NBAS: variants seen among roughly 807,000 people sequenced by gnomAD.
The protein encoded by NBAS is NBAS subunit of NRZ tethering complex.
Under a neutral mutation model 302.5 loss-of-function variants are expected in NBAS, and 219 were observed. The observed-to-expected ratio is 0.72, with a 90% confidence interval of 0.65 to 0.81. The LOEUF (loss-of-function observed/expected upper bound fraction) is 0.81, where lower values mean the gene tolerates loss of function less well. NBAS is among the 30% of genes least tolerant of loss of function. NBAS has a pLI of 0.00. For synonymous variants in NBAS, 1,118 were observed against 1,021.6 expected (o/e 1.09, Z -1.80); for missense variants, 2,932 against 2,841.6 (o/e 1.03, Z -0.72).
At chr2:15,301,495 C>T (rs985311032) in intron 40 of NBAS, among the ~76,000 whole-genome samples, 10 of 152,268 alleles carry the variant, frequency 6.6e-5, no homozygotes, top group African/African-American at 2.4e-4. Flanking sequence ...TTCTCCCCAC[C>T]AAGTGAGCAA....
the NBAS span, among the ~76,000 whole-genome samples, chr2:14,982,934 T>C: frequency 6.6e-6 from 1 of 152,104 alleles, no homozygotes; most frequent in African/African-American, 2.4e-5. Flanking sequence ...AGAAAAAATA[T>C]CAAAAAGAGT....
chr2:14,878,952 C>T, the NBAS span, among the ~76,000 whole-genome samples: 1 of 152,190 alleles, frequency 6.6e-6, no homozygotes, highest in Non-Finnish European at 1.5e-5. Flanking sequence ...CGTGATCTGT[C>T]TGTTTACCTC....
At chr2:15,545,594 A>G (rs997696844) in intron 6 of NBAS, among the ~76,000 whole-genome samples, 3 of 152,216 alleles carry the variant, frequency 2.0e-5, no homozygotes, top group Non-Finnish European at 4.4e-5. Flanking sequence ...AAGGAAACCA[A>G]AATTTTAAAA....
the NBAS span, among the ~76,000 whole-genome samples, chr2:14,897,168 A>G: frequency 6.6e-6 from 1 of 152,124 alleles, no homozygotes; most frequent in African/African-American, 2.4e-5. Flanking sequence ...CAAAGCTGGA[A>G]CCAAACACAG....
the NBAS span, among the ~76,000 whole-genome samples, chr2:14,821,861 CA>C: frequency 3.5e-3 from 504 of 145,450 alleles, 6 homozygotes; most frequent in African/African-American, 0.012. Flanking sequence ...AAATACAAAA[CA>C]AAAAAAAAAC....
chr2:14,781,871 C>CT, the NBAS span, among the ~76,000 whole-genome samples: 1 of 152,114 alleles, frequency 6.6e-6, no homozygotes, highest in Non-Finnish European at 1.5e-5. Context: ...AATTCTCCCC[C>CT]TAAACAACAC....
At chr2:15,494,996 C>T (rs1468067328) in intron 11 of NBAS, among the ~76,000 whole-genome samples, 7 of 152,172 alleles carry the variant, frequency 4.6e-5, no homozygotes, top group African/African-American at 7.2e-5. Flanking sequence ...TCTCCTAACA[C>T]GCAGGGAACA....
chr2:14,917,773 C>A, the NBAS span, among the ~76,000 whole-genome samples: 1 of 152,134 alleles, frequency 6.6e-6, no homozygotes, highest in Non-Finnish European at 1.5e-5. Flanking sequence ...TATATGAAAA[C>A]ACCACATGTA....
the NBAS span, among the ~76,000 whole-genome samples, chr2:15,055,237 G>C: frequency 6.6e-6 from 1 of 152,032 alleles, no homozygotes; most frequent in African/African-American, 2.4e-5. Flanking sequence ...GGAACAGGAG[G>C]TTTCAAGAAA....
the NBAS span, among the ~76,000 whole-genome samples, chr2:14,857,558 G>A: frequency 6.6e-6 from 1 of 152,044 alleles, no homozygotes; most frequent in African/African-American, 2.4e-5. Context: ...AAGGTGTCAA[G>A]AGCATACATT....
At chr2:15,548,574 C>G (rs1226209054) in intron 6 of NBAS, among the ~76,000 whole-genome samples, 3 of 152,056 alleles carry the variant, frequency 2.0e-5, no homozygotes, top group African/African-American at 4.8e-5. Flanking sequence ...ACCTGGGAGG[C>G]AGAGGGTGCA....
At chr2:15,050,212 T>A in the NBAS span, among the ~76,000 whole-genome samples, 1 of 152,174 alleles carries the variant, frequency 6.6e-6, no homozygotes, top group Non-Finnish European at 1.5e-5. Context: ...GAAGTTCCCC[T>A]CCCATGCGCC....
chr2:15,276,683 A>G (rs903768580), intron 43 of NBAS, among the ~76,000 whole-genome samples, 168 bp downstream of exon 43: 1 of 152,200 alleles, frequency 6.6e-6, no homozygotes, highest in African/African-American at 2.4e-5. Flanking sequence ...TAATTCCCTC[A>G]ACTATAAGTG....
chr2:15,043,510 C>T, the NBAS span, among the ~76,000 whole-genome samples: 1 of 152,172 alleles, frequency 6.6e-6, no homozygotes, highest in Non-Finnish European at 1.5e-5. Flanking sequence ...GGACACAGGA[C>T]TGTCCTGGCT....
chr2:15,121,949 G>T, the NBAS span, among the ~76,000 whole-genome samples: 1 of 152,254 alleles, frequency 6.6e-6, no homozygotes, highest in South Asian at 2.1e-4. Flanking sequence ...ATTACTCTGA[G>T]AAAGGGTCCA....
At chr2:15,269,981 C>T (rs1225208325) in intron 44 of NBAS, among the ~76,000 whole-genome samples, 1 of 152,156 alleles carries the variant, frequency 6.6e-6, no homozygotes, top group African/African-American at 2.4e-5. Context: ...GCAACCAAAA[C>T]AACAACAGAC....
At chr2:15,078,643 T>C in the NBAS span, among the ~76,000 whole-genome samples, 2 of 152,188 alleles carry the variant, frequency 1.3e-5, no homozygotes, top group African/African-American at 2.4e-5. Flanking sequence ...TGGATTGAGA[T>C]AGAATTTGAA....
the NBAS span, among the ~76,000 whole-genome samples, chr2:14,939,405 T>C: frequency 6.6e-6 from 1 of 152,238 alleles, no homozygotes; most frequent in African/African-American, 2.4e-5. Flanking sequence ...TGTTGCCTAC[T>C]TGCAAAACTT....
intron 44 of NBAS, among the ~76,000 whole-genome samples, chr2:15,246,679 A>G (rs1380963377): frequency 2.0e-5 from 3 of 152,230 alleles, no homozygotes; most frequent in African/African-American, 7.2e-5. Context: ...AATGTTTGCC[A>G]TTGGGACAAT....
Sources: allele counts gnomAD v4.1 joint callset (sites outside exome capture counted in the v4.1 genomes callset), GRCh38; gene constraint gnomAD v4.1.1; transcripts MANE v1.5; gene names NCBI Gene and HGNC (gene_info 2026-07-23, HGNC 2026-07-21).